The following POT1 variants were observed in gnomAD, a reference collection of about 807,000 sequenced individuals.
POT1 encodes the protein protection of telomeres 1.
Under a neutral mutation model 78.5 loss-of-function variants are expected in POT1, and 47 were observed. That is an observed-to-expected ratio of 0.60 (90% confidence interval 0.47 to 0.76). The LOEUF (loss-of-function observed/expected upper bound fraction) is 0.76, where lower values mean the gene tolerates loss of function less well. Ranked by LOEUF, POT1 falls within the 30% of genes least tolerant of loss-of-function variation. The pLI is 0.00. For synonymous variants in POT1, 259 were observed against 260.7 expected (o/e 0.99, Z 0.06); for missense variants, 646 against 749.9 (o/e 0.86, Z 1.62).
At chr7:124,851,772 TTAA>T (rs1795311481) in intron 11 of POT1, 97 bp downstream of exon 11, 2 of 877,232 alleles carry the variant, frequency 2.3e-6, no homozygotes, top group African/African-American at 3.4e-5. Context: ...CATGAAATTA[TTAA>T]TAAGAGAGAC....
At chr7:124,840,899 G>A (rs1795009946) in intron 14 of POT1, 74 bp downstream of exon 14, 2 of 1,214,806 alleles carry the variant, frequency 1.6e-6, no homozygotes, top group South Asian at 2.7e-5. Context: ...TCTGTAAAAT[G>A]TATTAAACAA....
chr7:124,825,593 A>G (rs1176044869), intron 17 of POT1, among the ~76,000 whole-genome samples: 1 of 152,132 alleles, frequency 6.6e-6, no homozygotes, highest in Non-Finnish European at 1.5e-5. Flanking sequence ...CTGATTTAAT[A>G]ATGATGATGG....
intron 6 of POT1, among the ~76,000 whole-genome samples, chr7:124,871,522 T>G (rs1189062596): frequency 6.6e-6 from 1 of 151,964 alleles, no homozygotes; most frequent in Non-Finnish European, 1.5e-5. Context: ...TACAAATGAA[T>G]AAACAATACA....
chr7:124,851,079 G>A (rs1235760012), intron 11 of POT1, among the ~76,000 whole-genome samples: 1 of 152,016 alleles, frequency 6.6e-6, no homozygotes, highest in East Asian at 1.9e-4. Context: ...GTCGAGACCA[G>A]TCTGGGCAAC....
intron 3 of POT1, among the ~76,000 whole-genome samples, chr7:124,910,765 G>A (rs1796872591): frequency 6.6e-6 from 1 of 151,828 alleles, no homozygotes; most frequent in Non-Finnish European, 1.5e-5. Flanking sequence ...CATCTAAAAT[G>A]TTAACTAGAA....
chr7:124,919,159 C>T (rs889447101), intron 2 of POT1, among the ~76,000 whole-genome samples: 7 of 152,118 alleles, frequency 4.6e-5, no homozygotes, highest in South Asian at 2.1e-4. Flanking sequence ...GTATTGAATA[C>T]TGTAGGCAAT....
At chr7:124,861,817 C>A (rs779857884) in intron 8 of POT1, among the ~76,000 whole-genome samples, 2 of 152,150 alleles carry the variant, frequency 1.3e-5, no homozygotes, top group Non-Finnish European at 2.9e-5. Context: ...CAGTTTACTG[C>A]ATATGGCTAG....
chr7:124,863,306 T>G lies in POT1; in HGVS notation c.546+44A>C, dbSNP rs1490957374. The G allele has an allele frequency of 6.5e-7, 1 of 1,544,274 alleles. No individual in the cohort carries two copies. Among genetic ancestry groups the G allele is most frequent in the Non-Finnish European group, 8.8e-7 (1 of 1,133,412 alleles). ...GAAACATAAGCTCTTTACAGACATG[T>G]AAGTGGTGCTAACTTATAATTCCCA... On this transcript the variant is annotated intron_variant, in intron 8 of 18. Transcript: ENST00000357628.
intron 6 of POT1, among the ~76,000 whole-genome samples, chr7:124,880,069 G>A (rs1423972221): frequency 2.0e-5 from 3 of 151,986 alleles, no homozygotes; most frequent in African/African-American, 7.2e-5. Context: ...GTAGAACTGT[G>A]AATAATGCCT....
chr7:124,860,305 T>C (rs1393241395), intron 8 of POT1, among the ~76,000 whole-genome samples: 1 of 152,136 alleles, frequency 6.6e-6, no homozygotes, highest in African/African-American at 2.4e-5. Context: ...AACAAGTGTA[T>C]GTCTATAATG....
rs554451333 is a variant in POT1 at position 124,905,691 on chromosome 7, C to G, written c.-153-7317G>C. Among the ~76,000 whole-genome samples the G allele has an allele frequency of 5.9e-3, 901 of 152,108 alleles. 8 individuals carry two copies. Among genetic ancestry groups the G allele is most frequent in the African/African-American group, 0.021 (861 of 41,502 alleles). ...CAGCAAAAGAAACTACCATCAGAGT[C>G]AACAGGCCACCTACAGAATGGGAGA... On this transcript the variant is annotated intron_variant, in intron 3 of 18. Transcript: ENST00000357628.
At chr7:124,837,805 CAG>C (rs999379304) in intron 14 of POT1, among the ~76,000 whole-genome samples, 8 of 151,966 alleles carry the variant, frequency 5.3e-5, no homozygotes, top group Non-Finnish European at 7.4e-5. Context: ...AAAAAATACT[CAG>C]AAAGTATTTA....
intron 3 of POT1, among the ~76,000 whole-genome samples, chr7:124,903,264 T>C (rs1342221543): frequency 1.3e-5 from 2 of 152,028 alleles, no homozygotes; most frequent in East Asian, 1.9e-4. Context: ...AAACTGACCA[T>C]AGTTGGAAGT....
At chr7:124,906,202 C>T (rs922110368) in intron 3 of POT1, among the ~76,000 whole-genome samples, 4 of 152,012 alleles carry the variant, frequency 2.6e-5, no homozygotes, top group Non-Finnish European at 5.9e-5. Context: ...ATGTTTAGTG[C>T]GCCACTATTC....
chr7:124,859,334 G>T lies in POT1; in HGVS notation c.547-222C>A, dbSNP rs67084428. Among the ~76,000 whole-genome samples, 32,861 of 152,052 alleles carry T rather than the reference G, an allele frequency of 0.22. 3,980 individuals carry two copies. Among genetic ancestry groups the T allele is most frequent in the East Asian group, 0.3 (1,561 of 5,172 alleles). On this transcript the variant is annotated intron_variant, in intron 8 of 18. Coordinates refer to ENST00000357628, the MANE Select transcript of POT1 (RefSeq NM_015450.3). ...TGTAAAGGAGAAAAAGAGTCACACTGCCATAAGCTCAGACTAAATATTCCT... is the reference window on the plus strand; with the variant it reads ...TGTAAAGGAGAAAAAGAGTCACACTTCCATAAGCTCAGACTAAATATTCCT...
At chr7:124,838,984 G>A (rs565176070) in intron 14 of POT1, among the ~76,000 whole-genome samples, 1 of 152,244 alleles carries the variant, frequency 6.6e-6, no homozygotes, top group Admixed American at 6.5e-5. Context: ...AAATGCAAAA[G>A]ATTTACAATA....
chr7:124,907,540 T>C (rs1175052867), intron 3 of POT1, among the ~76,000 whole-genome samples: 3 of 152,130 alleles, frequency 2.0e-5, no homozygotes, highest in Non-Finnish European at 4.4e-5. Flanking sequence ...GCACAGACGA[T>C]TTTTAGGGCA....
At chr7:124,889,203 C>A (rs1175455537) in intron 6 of POT1, among the ~76,000 whole-genome samples, 1 of 151,990 alleles carries the variant, frequency 6.6e-6, no homozygotes, top group East Asian at 1.9e-4. Flanking sequence ...ATGGCTGATA[C>A]ACAGAAAATT....
chr7:124,853,358 G>A (rs1795365375), intron 9 of POT1: 2 of 441,440 alleles, frequency 4.5e-6, no homozygotes, highest in Middle Eastern at 5.9e-4. Flanking sequence ...ATATGCGTGT[G>A]TGCACACACA....
Sources: gnomAD v4.1 joint callset for allele counts (sites outside exome capture counted in the v4.1 genomes callset) on GRCh38, gnomAD v4.1.1 for gene constraint, MANE v1.5 for transcripts, NCBI Gene and HGNC (gene_info 2026-07-23, HGNC 2026-07-21) for gene names.